The following GART variants were observed in gnomAD, a reference collection of about 807,000 sequenced individuals.
GART encodes trifunctional purine biosynthetic protein adenosine-3.
Under a neutral mutation model 107.2 loss-of-function variants are expected in GART, and 43 were observed. The observed-to-expected ratio is 0.40, with a 90% confidence interval of 0.31 to 0.52. GART has a LOEUF of 0.52. GART is among the 20% of genes least tolerant of loss of function. The pLI, the probability that GART is intolerant of heterozygous loss-of-function variation, is 0.52. For missense variants in GART, 1,107 were observed against 1,206.5 expected (o/e 0.92, Z 1.22); for synonymous variants, 434 against 427.0 (o/e 1.02, Z -0.20).
At position 33,506,090 on chromosome 21, in the gene GART, C is replaced by T. The variant is rs1328611612; in HGVS notation, c.2467G>A (p.Ala823Thr). 8 of 1,612,382 alleles carry T rather than the reference C, an allele frequency of 5.0e-6. No homozygotes were observed. The Admixed American group carries it at 8.4e-5, about 17-fold the overall frequency. Residue 823 changes from alanine to threonine, a missense_variant, in exon 19 of 22, where the codon GCA becomes ACA. By Grantham distance (58) the Ala-to-Thr change is moderately conservative. Transcript: ENST00000381815. ...LISGTGSNLQ[A>T]LIDSTREPNS... ...GGTTCCCGAGTACTGTCTATAAGTG[C>T]TTGCAGGTTCGATCCTGAGAAGGGA...
At chr21:33,530,999 T>G in intron 6 of GART, 115 bp from the exon 7 acceptor site, 2 of 1,003,696 alleles carry the variant, frequency 2.0e-6, no homozygotes, top group Non-Finnish European at 2.7e-6. Flanking sequence ...TTTGTTTTTT[T>G]TTTTGCAGAG....
chr21:33,517,301 C>T, intron 15 of GART, 56 bp downstream of exon 15: 1 of 1,605,428 alleles, frequency 6.2e-7, no homozygotes, highest in Non-Finnish European at 8.5e-7. Flanking sequence ...ACTAAAACCA[C>T]TAAATGCTTG....
At chr21:33,521,932 C>G (rs2084980347) in intron 12 of GART, among the ~76,000 whole-genome samples, 1 of 132,298 alleles carries the variant, frequency 7.6e-6, no homozygotes, top group African/African-American at 3.0e-5. Context: ...GCACTCCAGC[C>G]TGGGCAAGAC....
At position 33,514,918 on chromosome 21, in the gene GART, C is replaced by G. The variant is rs1211763996; in HGVS notation, c.2107+2071G>C. 2.0e-5 allele frequency among the ~76,000 whole-genome samples: 3 copies of G among 152,326 alleles called. No individual in the cohort carries two copies. In the Middle Eastern group the frequency reaches 0.01, roughly 518 times the overall value. On this transcript the variant is annotated intron_variant, in intron 16 of 21. Coordinates refer to ENST00000381815, the MANE Select transcript of GART (RefSeq NM_000819.5). ...ACAACCTACCTCTGACTCTTCAGTT[C>G]TCTCCGAGCTTCACATACGCTCTGA...
Position 33,524,949 on chromosome 21 carries a change from G to A in GART, c.1118C>T (p.Ala373Val). 6.2e-7 allele frequency: 1 copy of A among 1,614,152 alleles called. No homozygotes were observed. The highest frequency in any genetic ancestry group is 8.5e-7 in the Non-Finnish European group (1 of 1,180,024). Residue 373 changes from alanine (A) to valine (V), a missense_variant, in exon 11 of 22, where the codon GCC becomes GTC. Physicochemically the swap from Ala to Val is moderately conservative, Grantham distance 64 (BLOSUM62 0). Coordinates refer to ENST00000381815, the MANE Select transcript of GART (RefSeq NM_000819.5). ...LGLEVFHAGT[A>V]LKNGKVVTHG... The stretch of plus-strand genomic sequence containing the variant: ...AGTTACTACTTTGCCATTTTTGAGG[G>A]CAGTGCCTGCATGGAACACCTCCAG...
At position 33,527,521 on chromosome 21, in the gene GART, A is replaced by C. The variant is rs538471338; in HGVS notation, c.1066+646T>G. 1.3e-4 allele frequency among the ~76,000 whole-genome samples: 20 copies of C among 152,144 alleles called. No homozygotes were observed. The South Asian group carries it at 4.1e-3, about 32-fold the overall frequency. ...CAGAGCTAGAGTCTATCTCGAAAAAAAAAGGAAACCCCCCAAATACACTAC... is the reference window on the plus strand; with the variant it reads ...CAGAGCTAGAGTCTATCTCGAAAAACAAAGGAAACCCCCCAAATACACTAC... On this transcript the variant is annotated intron_variant, in intron 10 of 21. Transcript: ENST00000381815.
chr21:33,519,552 TA>T (rs559509642), intron 14 of GART, among the ~76,000 whole-genome samples: 2,146 of 123,300 alleles, frequency 0.017, 23 homozygotes, highest in Non-Finnish European at 0.025. Flanking sequence ...AGACTCTGTT[TA>T]AAAAAAAAAA....
rs1276435305 is a variant in GART at position 33,509,774 on chromosome 21, A to G, written c.2452+9T>C. On this transcript the variant is annotated intron_variant, in intron 18 of 21. Coordinates refer to ENST00000381815, the MANE Select transcript of GART (RefSeq NM_000819.5). ...ACAGCTCTACAGTGAAGGGGAAGCC[A>G]CATCTCACCTGTTCCAGATATTAAG... 2 of 1,612,570 alleles carry G rather than the reference A, an allele frequency of 1.2e-6. No individual in the cohort carries two copies. Among genetic ancestry groups the G allele is most frequent in the African/African-American group, 2.7e-5 (2 of 74,800 alleles).
intron 12 of GART, 63 bp from the exon 13 acceptor site, chr21:33,521,078 T>C: frequency 7.4e-7 from 1 of 1,344,070 alleles, no homozygotes. Flanking sequence ...ATTATTTAAA[T>C]GTCTACTAGT....
At chr21:33,506,306 G>C (rs2084680960) in intron 18 of GART, among the ~76,000 whole-genome samples, 1 of 152,026 alleles carries the variant, frequency 6.6e-6, no homozygotes, top group African/African-American at 2.4e-5. Context: ...ACCACACCTG[G>C]CTAATTTTTG....
In GART at chr21:33,505,659, CTG is replaced by C. The variant is rs1569006256; in HGVS notation, c.2625_2626del (p.Asp875GlufsTer4). ...CTCTTCAAGGACTAGGTCAATTGCACTGTCAAATTCTACACGATTTTTATACA... is the reference window on the plus strand; with the variant it reads ...CTCTTCAAGGACTAGGTCAATTGCACTCAAATTCTACACGATTTTTATACA... On this transcript the variant is annotated frameshift_variant, in exon 20 of 22. Coordinates refer to ENST00000381815, the MANE Select transcript of GART (RefSeq NM_000819.5). LOFTEE classifies it high-confidence loss of function. 6.2e-7 allele frequency: 1 copy of C among 1,611,120 alleles called. No homozygotes were observed. Among genetic ancestry groups the C allele is most frequent in the Non-Finnish European group, 8.5e-7 (1 of 1,178,338 alleles).
At chr21:33,540,514 T>C (rs2085392772) in intron 1 of GART, among the ~76,000 whole-genome samples, 1 of 152,202 alleles carries the variant, frequency 6.6e-6, no homozygotes, top group Admixed American at 6.5e-5. Flanking sequence ...TATGCTAGAA[T>C]ATTGGTAGAG....
At chr21:33,505,148 G>T (rs1222884502) in intron 20 of GART, among the ~76,000 whole-genome samples, 1 of 152,178 alleles carries the variant, frequency 6.6e-6, no homozygotes, top group Admixed American at 6.6e-5. Flanking sequence ...CCTGGCAATG[G>T]TCTATGCTTC....
chr21:33,504,732 TA>T (rs1488413043), intron 20 of GART, among the ~76,000 whole-genome samples: 1 of 152,096 alleles, frequency 6.6e-6, no homozygotes, highest in South Asian at 2.1e-4. Flanking sequence ...CTTGCACAGT[TA>T]AAGGCATGCT....
intron 1 of GART, among the ~76,000 whole-genome samples, 154 bp from the exon 2 acceptor site, chr21:33,539,510 A>G (rs1431682325): frequency 1.3e-5 from 2 of 152,146 alleles, no homozygotes; most frequent in Admixed American, 6.5e-5. Flanking sequence ...CTTGGCCAAC[A>G]TGGCAAAACC....
chr21:33,506,159 T>A, intron 18 of GART, 55 bp from the exon 19 acceptor site: 2 of 1,565,328 alleles, frequency 1.3e-6, no homozygotes, highest in Non-Finnish European at 1.7e-6. Context: ...TTTTTTTTTT[T>A]TGAGAGGGAG....
chr21:33,507,352 G>A (rs1167019108), intron 18 of GART, among the ~76,000 whole-genome samples: 1 of 152,186 alleles, frequency 6.6e-6, no homozygotes, highest in East Asian at 1.9e-4. Context: ...AATTAAAACA[G>A]TTGAACTCAT....
chr21:33,505,766 A>G, intron 19 of GART, 64 bp from the exon 20 acceptor site: 4 of 1,433,480 alleles, frequency 2.8e-6, no homozygotes, highest in Non-Finnish European at 3.8e-6. Flanking sequence ...TAAAAACTCA[A>G]CCTTTACACA....
chr21:33,534,607 GT>G lies in GART; in HGVS notation c.387del (p.Lys129AsnfsTer10), dbSNP rs1169040354. On this transcript the variant is annotated frameshift_variant, in exon 4 of 22. Transcript: ENST00000381815. LOFTEE classifies it high-confidence loss of function. Reference sequence around the variant, plus strand: ...AAAATGAAGCTGCAGGCTTCTTCAGGTTTGGTGAAAGCCTTCCATTGTGCGG... The same window carrying G: ...AAAATGAAGCTGCAGGCTTCTTCAGGTTGGTGAAAGCCTTCCATTGTGCGG... ...IPTAQWKAFT[K>X]PEEACSFILS... The G allele has an allele frequency of 1.2e-6, 2 of 1,614,024 alleles. No homozygotes were observed. Among genetic ancestry groups the G allele is most frequent in the Non-Finnish European group, 1.7e-6 (2 of 1,180,024 alleles).
Sources: allele counts gnomAD v4.1 joint callset (sites outside exome capture counted in the v4.1 genomes callset), GRCh38; gene constraint gnomAD v4.1.1; transcripts MANE v1.5; gene names NCBI Gene and HGNC (gene_info 2026-07-23, HGNC 2026-07-21).